Variants in PINX1 observed in about 807,000 individuals in gnomAD.
PINX1 encodes PIN2 (TERF1) interacting telomerase inhibitor 1, also known as PIN2/TERF1-interacting telomerase inhibitor 1.
Under a neutral mutation model 25.4 loss-of-function variants are expected in PINX1, and 34 were observed. The ratio of observed to expected loss-of-function variants is 1.34; its 90% CI spans 1.02 to 1.78. PINX1 has a LOEUF of 1.78. Among genes scored for constraint, PINX1 ranks in the 40% most tolerant of loss-of-function variants. The pLI, the probability that PINX1 is intolerant of heterozygous loss-of-function variation, is 0.00. For synonymous variants in PINX1, 197 were observed against 147.7 expected (o/e 1.33, Z -2.42); for missense variants, 592 against 404.9 (o/e 1.46, Z -3.97).
chr8:10,786,245 T>C (rs925453624), intron 6 of PINX1, among the ~76,000 whole-genome samples: 10 of 152,220 alleles, frequency 6.6e-5, no homozygotes, highest in African/African-American at 2.4e-4. Flanking sequence ...AACCTGATAA[T>C]TGAACATCAG....
intron 6 of PINX1, among the ~76,000 whole-genome samples, chr8:10,815,674 C>CA (rs1247431703): frequency 6.6e-6 from 1 of 152,218 alleles, no homozygotes; most frequent in Non-Finnish European, 1.5e-5. Flanking sequence ...ATACTGCCAA[C>CA]ACCATGAGCT....
chr8:10,812,844 C>T (rs959698567), intron 6 of PINX1, among the ~76,000 whole-genome samples: 4 of 152,224 alleles, frequency 2.6e-5, no homozygotes, highest in African/African-American at 7.2e-5. Flanking sequence ...GCCCAGCCTG[C>T]GCTCAGGACA....
chr8:10,790,320 G>A (rs1321064942), intron 6 of PINX1, among the ~76,000 whole-genome samples: 1 of 152,202 alleles, frequency 6.6e-6, no homozygotes, highest in Non-Finnish European at 1.5e-5. Context: ...AGAAGGCTCT[G>A]ACATGCACTG....
chr8:10,836,965 A>G (rs1008632787), intron 1 of PINX1, among the ~76,000 whole-genome samples: 7 of 151,980 alleles, frequency 4.6e-5, no homozygotes, highest in African/African-American at 1.7e-4. Context: ...CACCTTTTAC[A>G]TGTCCTTTGT....
At chr8:10,831,383 T>G (rs1226371825) in intron 4 of PINX1, among the ~76,000 whole-genome samples, 4 of 152,136 alleles carry the variant, frequency 2.6e-5, no homozygotes, top group Non-Finnish European at 4.4e-5. Flanking sequence ...CACTGTAGGG[T>G]GACTATAATA....
At chr8:10,823,717 C>T (rs1293677717) in intron 5 of PINX1, among the ~76,000 whole-genome samples, 1 of 152,098 alleles carries the variant, frequency 6.6e-6, no homozygotes, top group Non-Finnish European at 1.5e-5. Flanking sequence ...AGTCCCAGCA[C>T]GCTGGGAGGC....
Position 10,812,351 on chromosome 8 carries a change from G to A in PINX1, c.471+7842C>T, listed in dbSNP as rs150435062. 2.7e-3 allele frequency among the ~76,000 whole-genome samples: 408 copies of A among 152,310 alleles called. 2 individuals carry two copies. The highest frequency in any genetic ancestry group is 8.9e-3 in the African/African-American group (370 of 41,564). ...GTCAAGACTTAAACCTTCCAGCACC[G>A]TTTCAAATGTGATCATTTCACGTGT... On this transcript the variant is annotated intron_variant, in intron 6 of 6. Coordinates refer to ENST00000314787, the MANE Select transcript of PINX1 (RefSeq NM_017884.6).
Position 10,829,212 on chromosome 8 carries a change from G to C in PINX1, c.301+2453C>G, listed in dbSNP as rs545075780. On this transcript the variant is annotated intron_variant, in intron 4 of 6. Transcript: ENST00000314787. ...GAGGCAGGAGAATCGCTTGAACCCG[G>C]GAGGCGGAGGTTGCGGTAAGCCAAG... Among the ~76,000 whole-genome samples, 8 of 151,394 alleles carry C rather than the reference G, an allele frequency of 5.3e-5. No homozygotes were observed. In the East Asian group the frequency reaches 1.6e-3, roughly 30 times the overall value.
intron 6 of PINX1, among the ~76,000 whole-genome samples, chr8:10,790,321 A>C (rs1801883155): frequency 6.6e-6 from 1 of 152,224 alleles, no homozygotes; most frequent in African/African-American, 2.4e-5. Context: ...GAAGGCTCTG[A>C]CATGCACTGA....
chr8:10,809,732 T>A (rs1313974773), intron 6 of PINX1, among the ~76,000 whole-genome samples: 1 of 152,212 alleles, frequency 6.6e-6, no homozygotes, highest in African/African-American at 2.4e-5. Context: ...GACAGCACAC[T>A]CATCAAAGCG....
At chr8:10,809,671 T>C (rs1563223754) in intron 6 of PINX1, among the ~76,000 whole-genome samples, 1 of 152,166 alleles carries the variant, frequency 6.6e-6, no homozygotes, top group African/African-American at 2.4e-5. Flanking sequence ...GGAGGACAGA[T>C]AGGAACATTC....
intron 6 of PINX1, among the ~76,000 whole-genome samples, chr8:10,815,836 C>T (rs923182418): frequency 6.6e-6 from 1 of 152,204 alleles, no homozygotes; most frequent in African/African-American, 2.4e-5. Flanking sequence ...GATTTGATCT[C>T]TACAAGGAGT....
At chr8:10,822,562 C>G (rs1797911359) in intron 5 of PINX1, among the ~76,000 whole-genome samples, 1 of 152,206 alleles carries the variant, frequency 6.6e-6, no homozygotes, top group South Asian at 2.1e-4. Context: ...TTTGCTTTAG[C>G]TGTTTGTCTA....
chr8:10,806,313 C>T (rs573473290), intron 6 of PINX1, among the ~76,000 whole-genome samples: 12 of 152,222 alleles, frequency 7.9e-5, no homozygotes, highest in Non-Finnish European at 1.6e-4. Flanking sequence ...AGCTCATGGA[C>T]GCACGTGTGG....
intron 6 of PINX1, among the ~76,000 whole-genome samples, chr8:10,776,293 G>T (rs183263246): frequency 9.9e-4 from 151 of 152,100 alleles, no homozygotes; most frequent in Admixed American, 2.6e-3. Flanking sequence ...GGGTGTGGTG[G>T]TGCAGCCTGT....
chr8:10,832,250 C>T (rs1050773931), intron 3 of PINX1, among the ~76,000 whole-genome samples: 1 of 152,074 alleles, frequency 6.6e-6, no homozygotes, highest in African/African-American at 2.4e-5. Flanking sequence ...TCGATGAGTT[C>T]CCATTTGTAA....
At chr8:10,829,285 CAAAAAAAA>C (rs57684473) in intron 4 of PINX1, among the ~76,000 whole-genome samples, 1 of 90,518 alleles carries the variant, frequency 1.1e-5, no homozygotes, top group African/African-American at 4.1e-5. Context: ...GACTCCATCT[CAAAAAAAA>C]AAAAAAAAAA....
At chr8:10,819,267 G>C (rs769666650) in intron 6 of PINX1, among the ~76,000 whole-genome samples, 13 of 152,132 alleles carry the variant, frequency 8.5e-5, no homozygotes, top group Admixed American at 3.9e-4. Flanking sequence ...TTACTATTAA[G>C]AAACAAACCA....
intron 6 of PINX1, among the ~76,000 whole-genome samples, chr8:10,785,837 C>G (rs1801730870): frequency 1.3e-5 from 2 of 152,230 alleles, no homozygotes; most frequent in South Asian, 4.1e-4. Context: ...ACTACATACT[C>G]TAATGGAACA....
Sources: allele counts gnomAD v4.1 joint callset (sites outside exome capture counted in the v4.1 genomes callset), GRCh38; gene constraint gnomAD v4.1.1; transcripts MANE v1.5; gene names NCBI Gene and HGNC (gene_info 2026-07-23, HGNC 2026-07-21).